The following CLCA2 variants were observed in gnomAD, a reference collection of about 807,000 sequenced individuals.
The protein encoded by CLCA2 is calcium-activated chloride channel regulator 2.
In CLCA2, 85 loss-of-function variants were observed where a neutral mutation model predicts 82.9. That is an observed-to-expected ratio of 1.03 (90% CI 0.86 to 1.23). The LOEUF (loss-of-function observed/expected upper bound fraction) is 1.23, where lower values mean the gene tolerates loss of function less well. Among genes scored for constraint, CLCA2 ranks in the 50% most tolerant of loss-of-function variants. CLCA2 has a pLI of 0.00. For missense variants in CLCA2, 1,089 were observed against 1,124.8 expected, an observed-to-expected ratio of 0.97 and a Z score of 0.45; for synonymous variants, 421 against 391.7, an observed-to-expected ratio of 1.07 and a Z score of -0.88.
chr1:86,443,057 T>C (rs2101705047), intron 9 of CLCA2, among the ~76,000 whole-genome samples: 1 of 152,148 alleles, frequency 6.6e-6, no homozygotes. Flanking sequence ...AGATGGAGTC[T>C]TGCTCTTCTC....
chr1:86,449,916 A>G (rs1312600027), intron 11 of CLCA2, among the ~76,000 whole-genome samples: 1 of 152,212 alleles, frequency 6.6e-6, no homozygotes, highest in African/African-American at 2.4e-5. Flanking sequence ...AAGGAAGTAC[A>G]TCACTGGCTA....
rs771437036 is a variant in CLCA2 at position 86,443,778 on chromosome 1, C to T, written c.1489-9C>T. On this transcript the variant is annotated splice_polypyrimidine_tract_variant and intron_variant, in intron 9 of 13. Transcript: ENST00000370565. ...CCAGAAACTCTCATATATATCTTCT[C>T]TTTAACAGCTTGAAAGTACAGGTGA... 102 of 1,607,188 alleles carry T rather than the reference C, an allele frequency of 6.3e-5. No homozygotes were observed. The highest frequency in any genetic ancestry group is 8.2e-5 in the Non-Finnish European group (96 of 1,174,380).
chr1:86,455,271 G>A lies in CLCA2; in HGVS notation c.2576G>A (p.Ser859Asn), dbSNP rs1663052000. The A allele has an allele frequency of 1.2e-6, 2 of 1,613,958 alleles. No individual in the cohort carries two copies. The highest frequency in any genetic ancestry group is 1.7e-6 in the Non-Finnish European group (2 of 1,180,008). ...CAGCCAAATGGAGAAACACATGAAA[G>A]CCACAGAATTTATGTTGCAATACGA... ...EHQPNGETHE[S>N]HRIYVAIRAM... is the part of the protein sequence containing the mutation. The change falls in exon 14 of 14, where the codon AGC (serine) becomes AAC (asparagine). Residue 859 changes from serine to asparagine, a missense_variant. Transcript: ENST00000370565.
At chr1:86,447,881 A>AT (rs34112927) in intron 11 of CLCA2, 103 bp downstream of exon 11, 137,782 of 1,159,522 alleles carry the variant, frequency 0.12, 8,789 homozygotes, top group African/African-American at 0.2. Flanking sequence ...CTTGAGTTCA[A>AT]TTTTTTTTTA....
At chr1:86,430,680 G>C (rs1662478446) in intron 3 of CLCA2, among the ~76,000 whole-genome samples, 182 bp from the exon 4 acceptor site, 1 of 152,164 alleles carries the variant, frequency 6.6e-6, no homozygotes, top group Admixed American at 6.5e-5. Context: ...GGTGGTAGGT[G>C]GTGGAGTAGG....
intron 13 of CLCA2, among the ~76,000 whole-genome samples, 189 bp from the exon 14 acceptor site, chr1:86,454,896 A>AAG (rs1025584730): frequency 5.3e-5 from 8 of 152,246 alleles, no homozygotes; most frequent in African/African-American, 1.9e-4. Flanking sequence ...TTCAAAAAAA[A>AAG]AAAAAATCCT....
At chr1:86,437,572 G>C (rs887496464) in intron 6 of CLCA2, among the ~76,000 whole-genome samples, 1 of 152,124 alleles carries the variant, frequency 6.6e-6, no homozygotes, top group African/African-American at 2.4e-5. Context: ...CAGTGGCCAA[G>C]AGGCAAAAAA....
rs12562834 is a variant in CLCA2, at chr1:86,440,857, C to T, written c.1381+532C>T. Among the ~76,000 whole-genome samples the T allele has an allele frequency of 4.6e-3, 705 of 152,182 alleles. 17 individuals carry two copies. In the East Asian group the frequency reaches 0.068, roughly 15 times the overall value. ...CAGAGGTTGCAGTCACCTGAGATCA[C>T]GCTACTGCACTCCAGCCTGGGTGAC... is the stretch of plus-strand genomic sequence containing the variant. On this transcript the variant is annotated intron_variant, in intron 8 of 13. Transcript: ENST00000370565.
intron 4 of CLCA2, among the ~76,000 whole-genome samples, chr1:86,431,687 A>G (rs1662501149): frequency 6.6e-6 from 1 of 152,148 alleles, no homozygotes; most frequent in Non-Finnish European, 1.5e-5. Context: ...TTCCCCTGAT[A>G]CCAAGTGGAA....
At chr1:86,434,990 C>A (rs1465978088) in intron 6 of CLCA2, among the ~76,000 whole-genome samples, 2 of 152,102 alleles carry the variant, frequency 1.3e-5, no homozygotes, top group Admixed American at 6.6e-5. Context: ...AGTGCAGTGG[C>A]ACAATTTCAG....
rs1663080273 is a variant in CLCA2 at position 86,456,528 on chromosome 1, A to T, written c.*1001A>T. On this transcript the variant is annotated 3_prime_UTR_variant, in exon 14 of 14. Transcript: ENST00000370565. ...CTCTTATTTTTTTAAAAGATTATCG[A>T]ACAATAAAATCATTTGCCTTTTTAA... 1 of 152,202 alleles carries T rather than the reference A, an allele frequency of 6.6e-6. No homozygotes were observed. Among genetic ancestry groups the T allele is most frequent in the Admixed American group, 6.5e-5 (1 of 15,274 alleles). 9.4% of individuals were successfully genotyped at this position (152,202 alleles called of 1,614,324 possible). A position where few individuals can be genotyped will look rare whatever the true frequency, so the allele number is the denominator to read the frequency against.
At chr1:86,455,043 T>C in intron 13 of CLCA2, 42 bp from the exon 14 acceptor site, 1 of 1,212,170 alleles carries the variant, frequency 8.2e-7, no homozygotes, top group Admixed American at 2.9e-5. Flanking sequence ...GAAAATATAC[T>C]CAAAGTGACT....
intron 10 of CLCA2, chr1:86,445,356 C>CTTTTTTTTTTTTTTTTTTTTTTTTT (rs1190239314): frequency 1.1e-5 from 1 of 88,946 alleles, no homozygotes; most frequent in Non-Finnish European, 2.1e-5. Context: ...AAGTGTTAAC[C>CTTTTTTTTTTTTTTTTTTTTTTTTT]TTTTTTTTTT....
rs11161835 is a variant in CLCA2, at chr1:86,440,076, G to T, written c.1204-72G>T. On this transcript the variant is annotated intron_variant, in intron 7 of 13. Coordinates refer to ENST00000370565, the MANE Select transcript of CLCA2 (RefSeq NM_006536.7). ...GGAGCTACAGTGGGAATTTGGATGA[G>T]AGTGAATTCTTTTGCTCAATAAAAC... 1.2e-5 allele frequency: 17 copies of T among 1,470,154 alleles called. No homozygotes were observed. In the East Asian group the frequency reaches 2.7e-4, roughly 24 times the overall value. 91.1% of individuals were successfully genotyped at this position (1,470,154 alleles called of 1,614,324 possible). A position where few individuals can be genotyped will look rare whatever the true frequency, so the allele number is the denominator to read the frequency against.
At chr1:86,440,357 G>A (rs1185215023) in intron 8 of CLCA2, 32 bp downstream of exon 8, 2 of 1,587,742 alleles carry the variant, frequency 1.3e-6, no homozygotes, top group Admixed American at 1.7e-5. Context: ...ATCTTTTGGA[G>A]CATGTCCCTT....
chr1:86,450,498 A>G (rs1350319830), intron 11 of CLCA2, 65 bp from the exon 12 acceptor site: 2 of 1,278,754 alleles, frequency 1.6e-6, no homozygotes, highest in Non-Finnish European at 2.1e-6. Context: ...CTCATTTTTA[A>G]TGACTTAAAT....
chr1:86,442,793 G>A (rs1446077535), intron 9 of CLCA2, among the ~76,000 whole-genome samples: 1 of 152,166 alleles, frequency 6.6e-6, no homozygotes, highest in Non-Finnish European at 1.5e-5. Context: ...CTGGTGTCAG[G>A]CCCACTGGGT....
chr1:86,436,975 A>G (rs1245771417), intron 6 of CLCA2, among the ~76,000 whole-genome samples: 1 of 152,200 alleles, frequency 6.6e-6, no homozygotes, highest in African/African-American at 2.4e-5. Flanking sequence ...TGGCCTCCCA[A>G]AGTGCTGGGA....
rs200732818 is a variant in CLCA2 at position 86,438,958 on chromosome 1, C to T, written c.1055C>T (p.Ala352Val). ...IVEIHTFVGI[A>V]SFDSKGEIRA... ...GAAATTCATACCTTCGTGGGCATTGCCAGTTTCGACAGCAAAGGAGAGATC... is the reference window on the plus strand; with the variant it reads ...GAAATTCATACCTTCGTGGGCATTGTCAGTTTCGACAGCAAAGGAGAGATC... Residue 352 changes from alanine to valine, a missense_variant, in exon 7 of 14, where the codon GCC (alanine) becomes GTC (valine). Physicochemically the swap from Ala to Val is moderately conservative, Grantham distance 64 (BLOSUM62 0). Coordinates refer to ENST00000370565, the MANE Select transcript of CLCA2 (RefSeq NM_006536.7). The T allele has an allele frequency of 4.8e-5, 77 of 1,613,664 alleles. No individual in the cohort carries two copies. In the African/African-American group the frequency reaches 8.0e-4, roughly 17 times the overall value.
Sources: gnomAD v4.1 joint callset for allele counts (sites outside exome capture counted in the v4.1 genomes callset) on GRCh38, gnomAD v4.1.1 for gene constraint, MANE v1.5 for transcripts, NCBI Gene and HGNC (gene_info 2026-07-23, HGNC 2026-07-21) for gene names.